Variants in KCNB2 observed in about 807,000 individuals in gnomAD.
The protein encoded by KCNB2 is delayed rectifier potassium channel protein.
In KCNB2, 15 loss-of-function variants were observed where a neutral mutation model predicts 61.5. The observed-to-expected ratio is 0.24, with a 90% CI of 0.16 to 0.38. The LOEUF (loss-of-function observed/expected upper bound fraction) is 0.38. KCNB2 is among the 10% of genes least tolerant of loss of function. The pLI, the probability that KCNB2 is intolerant of heterozygous loss-of-function variation, is 1.00. For synonymous variants in KCNB2, 457 were observed against 446.0 expected (o/e 1.02, Z -0.31); for missense variants, 828 against 1,125.2 (o/e 0.74, Z 3.78).
intron 2 of KCNB2, among the ~76,000 whole-genome samples, chr8:72,678,139 G>T (rs191626250): frequency 6.6e-6 from 1 of 151,998 alleles, no homozygotes; most frequent in South Asian, 2.1e-4. Flanking sequence ...ACCCCACATC[G>T]ATTATATGAG....
chr8:72,728,427 A>T (rs1807686370), intron 2 of KCNB2, among the ~76,000 whole-genome samples: 1 of 152,164 alleles, frequency 6.6e-6, no homozygotes, highest in South Asian at 2.1e-4. Context: ...ACATTCATCT[A>T]TAAGAGCTAG....
intron 2 of KCNB2, among the ~76,000 whole-genome samples, chr8:72,756,521 C>T (rs1260449412): frequency 6.6e-6 from 1 of 152,160 alleles, no homozygotes; most frequent in African/African-American, 2.4e-5. Flanking sequence ...CCTAGAACTG[C>T]CCTGGCTAAT....
chr8:72,785,768 A>G (rs1384842153), intron 2 of KCNB2, among the ~76,000 whole-genome samples: 1 of 152,182 alleles, frequency 6.6e-6, no homozygotes, highest in Non-Finnish European at 1.5e-5. Flanking sequence ...AATGGTTTAA[A>G]TAGATTCAGG....
intron 2 of KCNB2, among the ~76,000 whole-genome samples, chr8:72,775,045 A>G (rs369050902): frequency 2.0e-4 from 30 of 152,330 alleles, no homozygotes; most frequent in African/African-American, 7.0e-4. Flanking sequence ...GTCACAGCTC[A>G]TCCCTGATGC....
At chr8:72,679,317 G>A (rs1413275269) in intron 2 of KCNB2, among the ~76,000 whole-genome samples, 1 of 152,152 alleles carries the variant, frequency 6.6e-6, no homozygotes, top group African/African-American at 2.4e-5. Flanking sequence ...ACTCACATAA[G>A]GCAAGTATCA....
chr8:72,869,726 T>G (rs1563410088), intron 2 of KCNB2, among the ~76,000 whole-genome samples: 1 of 152,216 alleles, frequency 6.6e-6, no homozygotes, highest in African/African-American at 2.4e-5. Flanking sequence ...ATTGTAATCC[T>G]TGTACACTAT....
intron 1 of KCNB2, among the ~76,000 whole-genome samples, chr8:72,548,927 G>A (rs984490377): frequency 3.9e-5 from 6 of 152,142 alleles, no homozygotes; most frequent in Non-Finnish European, 7.3e-5. Flanking sequence ...TTACTGCAAG[G>A]CTGAGTCACT....
At chr8:72,928,191 C>CTTTT (rs879676235) in intron 2 of KCNB2, among the ~76,000 whole-genome samples, 19 of 134,876 alleles carry the variant, frequency 1.4e-4, no homozygotes, top group African/African-American at 1.7e-4. Flanking sequence ...CACTTTCTTT[C>CTTTT]TTTTTTTTTT....
intron 2 of KCNB2, among the ~76,000 whole-genome samples, chr8:72,671,066 C>A (rs1806556477): frequency 6.6e-6 from 1 of 152,152 alleles, no homozygotes; most frequent in South Asian, 2.1e-4. Context: ...CTGCAAGAAA[C>A]CTTACAGAGT....
intron 2 of KCNB2, among the ~76,000 whole-genome samples, chr8:72,571,595 T>C (rs1275471044): frequency 6.6e-6 from 1 of 152,200 alleles, no homozygotes; most frequent in Non-Finnish European, 1.5e-5. Flanking sequence ...ATCTGTATGA[T>C]GGACTCTGTC....
intron 2 of KCNB2, among the ~76,000 whole-genome samples, chr8:72,756,711 A>G (rs1808295791): frequency 6.6e-6 from 1 of 152,194 alleles, no homozygotes; most frequent in African/African-American, 2.4e-5. Flanking sequence ...TCAGTTGGAA[A>G]GTTCCTGCAG....
chr8:72,590,767 C>T (rs1807085310), intron 2 of KCNB2, among the ~76,000 whole-genome samples: 1 of 152,144 alleles, frequency 6.6e-6, no homozygotes, highest in Admixed American at 6.5e-5. Context: ...ATGGCACGTT[C>T]CCTTTTCCTG....
intron 2 of KCNB2, among the ~76,000 whole-genome samples, chr8:72,844,726 A>T (rs1351799648): frequency 6.6e-6 from 1 of 152,188 alleles, no homozygotes; most frequent in East Asian, 1.9e-4. Context: ...CGCTTAATCA[A>T]TTCGGCTATT....
At position 72,695,376 on chromosome 8, in the gene KCNB2, G is replaced by C. The variant is rs144747503; in HGVS notation, c.579+127063G>C. On this transcript the variant is annotated intron_variant, in intron 2 of 2. Transcript: ENST00000523207. ...TTTGCTTCAGTAATTTTCTTCTCCTGTTTTAGAAATAAAATATCTTCTTCA... is the reference window on the plus strand; with the variant it reads ...TTTGCTTCAGTAATTTTCTTCTCCTCTTTTAGAAATAAAATATCTTCTTCA... Among the ~76,000 whole-genome samples the C allele has an allele frequency of 2.1e-3, 321 of 152,210 alleles. 3 individuals are homozygous for C. Among genetic ancestry groups the C allele is most frequent in the African/African-American group, 7.3e-3 (302 of 41,550 alleles).
At chr8:72,790,583 T>C (rs1808924306) in intron 2 of KCNB2, among the ~76,000 whole-genome samples, 1 of 152,044 alleles carries the variant, frequency 6.6e-6, no homozygotes, top group South Asian at 2.1e-4. Flanking sequence ...TTTAAGAACT[T>C]TGGCACTCGA....
chr8:72,717,559 G>C (rs35839809), intron 2 of KCNB2, among the ~76,000 whole-genome samples: 1 of 152,112 alleles, frequency 6.6e-6, no homozygotes, highest in Non-Finnish European at 1.5e-5. Flanking sequence ...ACAAGCAATG[G>C]GGAAAGGATT....
chr8:72,601,276 A>AT (rs1302051311), intron 2 of KCNB2, among the ~76,000 whole-genome samples: 2 of 152,222 alleles, frequency 1.3e-5, no homozygotes, highest in East Asian at 1.9e-4. Context: ...AATAATAAGC[A>AT]TTTTTTTCAC....
chr8:72,664,180 G>A (rs1444135584), intron 2 of KCNB2, among the ~76,000 whole-genome samples: 1 of 152,210 alleles, frequency 6.6e-6, no homozygotes, highest in Non-Finnish European at 1.5e-5. Context: ...TTGTCCAGCG[G>A]ATACCCTGTG....
chr8:72,606,736 CCAAA>C (rs1478415361), intron 2 of KCNB2, among the ~76,000 whole-genome samples: 1 of 152,098 alleles, frequency 6.6e-6, no homozygotes, highest in African/African-American at 2.4e-5. Context: ...GGAAAAAGAC[CCAAA>C]CAAATGAATA....
Sources: gnomAD v4.1 joint callset for allele counts (sites outside exome capture counted in the v4.1 genomes callset) on GRCh38, gnomAD v4.1.1 for gene constraint, MANE v1.5 for transcripts, NCBI Gene and HGNC (gene_info 2026-07-23, HGNC 2026-07-21) for gene names.